The following FOXP1 variants were observed in gnomAD, a reference collection of about 807,000 sequenced individuals.
FOXP1 encodes the protein forkhead box protein P1.
FOXP1 carries 15 observed loss-of-function variants against 98.2 expected under a neutral mutation model. That is an observed-to-expected ratio of 0.15 (90% confidence interval 0.10 to 0.24). FOXP1 has a LOEUF of 0.24. Ranked by LOEUF, FOXP1 falls within the 10% of genes least tolerant of loss-of-function variation. The probability of loss-of-function intolerance (pLI) is 1.00; values close to 1 mark genes in which losing one functional copy is unlikely to be tolerated. For synonymous variants in FOXP1, 371 were observed against 314.5 expected (o/e 1.18, Z -1.90); for missense variants, 633 against 848.5 (o/e 0.75, Z 3.15).
chr3:71,143,864 G>A (rs1454369523), intron 6 of FOXP1, among the ~76,000 whole-genome samples: 1 of 152,182 alleles, frequency 6.6e-6, no homozygotes, highest in East Asian at 1.9e-4. Flanking sequence ...CAGAAAATCT[G>A]TTGTCCCTCC....
At chr3:71,308,789 GTGTGTGTGTGTGTGT>G (rs1322514173) in intron 4 of FOXP1, among the ~76,000 whole-genome samples, 1 of 150,948 alleles carries the variant, frequency 6.6e-6, no homozygotes, top group Non-Finnish European at 1.5e-5. Context: ...GTGTGTGTGT[GTGTGTGTGTGTGTGT>G]GTGGGTGAGG....
rs1438320540 is a variant in FOXP1 at position 70,959,187 on chromosome 3, C to T, written c.*60G>A. On this transcript the variant is annotated 3_prime_UTR_variant, in exon 21 of 21. Coordinates refer to ENST00000649528, the MANE Select transcript of FOXP1 (RefSeq NM_001349338.3). ...GAACAATTTCACTGCTAACTTTTGA[C>T]GTGTTTTTTTTTTTTTCCTTTTTCC... is the stretch of plus-strand genomic sequence containing the variant. 8.0e-6 allele frequency: 12 copies of T among 1,491,720 alleles called. No homozygotes were observed. The highest frequency in any genetic ancestry group is 6.8e-5 in the South Asian group (6 of 87,596). The allele number at this position is 1,491,720 out of a possible 1,614,324, so 92.4% of individuals were successfully genotyped here.
Position 71,137,798 on chromosome 3 carries a change from A to ATT in FOXP1, c.181-25163_181-25162dup, listed in dbSNP as rs71104419. 3.8e-3 allele frequency among the ~76,000 whole-genome samples: 549 copies of ATT among 144,224 alleles called. 4 individuals are homozygous for ATT. The highest frequency in any genetic ancestry group is 0.011 in the African/African-American group (444 of 39,886). 94.6% of individuals were successfully genotyped at this position (144,224 alleles called of 152,430 possible). A position where few individuals can be genotyped will look rare whatever the true frequency, so the allele number is the denominator to read the frequency against. ...TCTATTTATTTATTTATTTATTATT[A>ATT]TTTTTTTTTTTTGGTGCAAGACCAT... On this transcript the variant is annotated intron_variant, in intron 6 of 20. Transcript: ENST00000649528.
At chr3:71,418,991 T>C (rs1168103176) in intron 3 of FOXP1, among the ~76,000 whole-genome samples, 2 of 150,350 alleles carry the variant, frequency 1.3e-5, no homozygotes, top group Admixed American at 1.3e-4. Flanking sequence ...TCCCAGCTCT[T>C]TAGGAGGCCA....
intron 3 of FOXP1, among the ~76,000 whole-genome samples, chr3:71,387,758 T>C (rs936313774): frequency 1.3e-5 from 2 of 152,236 alleles, no homozygotes; most frequent in African/African-American, 2.4e-5. Flanking sequence ...TAAGGACCCA[T>C]GTGTTCATGC....
rs575537524 is a variant in FOXP1, at chr3:71,559,817, A to C, written c.-298+21732T>G. Among the ~76,000 whole-genome samples, 10 of 151,882 alleles carry C rather than the reference A, an allele frequency of 6.6e-5. No homozygotes were observed. The South Asian group carries it at 1.9e-3, about 28-fold the overall frequency. The stretch of plus-strand genomic sequence containing the variant: ...AGCCGTGATTGCATCACTGCATTCC[A>C]GCCTGGGTGACAGAAGGAAACCTTG... On this transcript the variant is annotated intron_variant, in intron 2 of 20. Transcript: ENST00000649528.
At chr3:71,546,690 AC>A in intron 2 of FOXP1, among the ~76,000 whole-genome samples, 1 of 151,724 alleles carries the variant, frequency 6.6e-6, no homozygotes, top group Non-Finnish European at 1.5e-5. Flanking sequence ...GCTGAATGGC[AC>A]TAGCACCAGT....
At chr3:70,967,713 T>G (rs1205481969) in intron 19 of FOXP1, among the ~76,000 whole-genome samples, 7 of 136,124 alleles carry the variant, frequency 5.1e-5, no homozygotes, top group Non-Finnish European at 7.7e-5. Flanking sequence ...TTTTTTTGTT[T>G]TTTTTTTTTT....
intron 3 of FOXP1, among the ~76,000 whole-genome samples, chr3:71,470,212 T>C (rs1197388796): frequency 6.6e-6 from 1 of 152,210 alleles, no homozygotes; most frequent in Admixed American, 6.5e-5. Flanking sequence ...GTGGGTAAGT[T>C]ATTTAACATC....
At chr3:71,370,254 A>G (rs1449517978) in intron 3 of FOXP1, among the ~76,000 whole-genome samples, 1 of 152,198 alleles carries the variant, frequency 6.6e-6, no homozygotes, top group Non-Finnish European at 1.5e-5. Context: ...TACAGAAATA[A>G]AAGAATGCTA....
chr3:70,974,492 T>C (rs751797678), intron 17 of FOXP1, among the ~76,000 whole-genome samples: 22 of 151,992 alleles, frequency 1.4e-4, no homozygotes, highest in Non-Finnish European at 2.1e-4. Flanking sequence ...AGAGATGGGG[T>C]CTTGCTATGT....
chr3:71,067,763 C>CACACACACACACACACACACAA (rs374096871), intron 7 of FOXP1, among the ~76,000 whole-genome samples: 35 of 149,898 alleles, frequency 2.3e-4, no homozygotes, highest in African/African-American at 8.8e-4. Context: ...CACACACACA[C>CACACACACACACACACACACAA]AATTAGCCAC....
chr3:71,230,840 G>A (rs1576490352), intron 5 of FOXP1, among the ~76,000 whole-genome samples: 3 of 152,238 alleles, frequency 2.0e-5, no homozygotes, highest in Non-Finnish European at 4.4e-5. Context: ...CTTATCAACT[G>A]TAGGAGGGGG....
At chr3:71,526,315 G>A (rs1365495049) in intron 2 of FOXP1, among the ~76,000 whole-genome samples, 4 of 152,144 alleles carry the variant, frequency 2.6e-5, no homozygotes, top group African/African-American at 9.7e-5. Flanking sequence ...TAAGAATCCA[G>A]AGTTCAGGCC....
intron 4 of FOXP1, among the ~76,000 whole-genome samples, chr3:71,315,553 A>T (rs901194355): frequency 1.3e-5 from 2 of 152,178 alleles, no homozygotes; most frequent in African/African-American, 4.8e-5. Context: ...ATCTTGAATG[A>T]GAGAGAACAG....
intron 5 of FOXP1, among the ~76,000 whole-genome samples, chr3:71,295,600 C>T (rs1484072058): frequency 6.6e-6 from 1 of 152,100 alleles, no homozygotes; most frequent in East Asian, 1.9e-4. Context: ...AAATGTGAAG[C>T]TTGGAGATGC....
At chr3:71,482,942 C>A (rs980153823) in intron 3 of FOXP1, among the ~76,000 whole-genome samples, 1 of 151,724 alleles carries the variant, frequency 6.6e-6, no homozygotes, top group Admixed American at 6.6e-5. Context: ...TCAAACTATC[C>A]CCCCCACCTC....
At chr3:71,472,834 A>C (rs1311092439) in intron 3 of FOXP1, among the ~76,000 whole-genome samples, 1 of 152,252 alleles carries the variant, frequency 6.6e-6, no homozygotes, top group Non-Finnish European at 1.5e-5. Context: ...AGATATGTCT[A>C]GCTCTGCAGC....
intron 2 of FOXP1, chr3:71,572,778 G>A (rs149341472): frequency 5.2e-4 from 79 of 152,264 alleles, no homozygotes; most frequent in African/African-American, 1.4e-3. Context: ...CTCTTAAGCC[G>A]GGCTACAGGT....
Sources: gnomAD v4.1 joint callset for allele counts (sites outside exome capture counted in the v4.1 genomes callset) on GRCh38, gnomAD v4.1.1 for gene constraint, MANE v1.5 for transcripts, NCBI Gene and HGNC (gene_info 2026-07-23, HGNC 2026-07-21) for gene names.